MEI4: variants seen among roughly 807,000 people sequenced by gnomAD.
MEI4 encodes meiotic double-stranded break formation protein 4, also known as meiosis-specific protein MEI4.
In MEI4, 27 loss-of-function variants were observed where a neutral mutation model predicts 31.4. That is an observed-to-expected ratio of 0.86 (90% CI 0.63 to 1.19). The LOEUF is 1.19. MEI4 is among the 50% of genes most tolerant of loss of function. MEI4 has a pLI of 0.00. For missense variants in MEI4, 329 were observed against 398.9 expected (o/e 0.82, Z 1.49); for synonymous variants, 122 against 145.4 (o/e 0.84, Z 1.16).
At chr6:77,699,058 A>G (rs1014653090) in intron 2 of MEI4, among the ~76,000 whole-genome samples, 3 of 151,994 alleles carry the variant, frequency 2.0e-5, no homozygotes, top group Admixed American at 6.6e-5. Flanking sequence ...AGTTGATCGC[A>G]TCGGCTCCTG....
intron 4 of MEI4, among the ~76,000 whole-genome samples, chr6:77,915,160 G>A (rs1280204012): frequency 6.6e-6 from 1 of 151,848 alleles, no homozygotes; most frequent in African/African-American, 2.4e-5. Context: ...GCTTTCTATT[G>A]TGATTTGGCA....
At chr6:77,712,186 T>C (rs528267399) in intron 2 of MEI4, among the ~76,000 whole-genome samples, 2 of 152,182 alleles carry the variant, frequency 1.3e-5, no homozygotes, top group Non-Finnish European at 2.9e-5. Flanking sequence ...TGTTTGCATA[T>C]ACACACACAT....
chr6:77,766,042 A>T (rs1173327074), intron 3 of MEI4, among the ~76,000 whole-genome samples: 1 of 152,190 alleles, frequency 6.6e-6, no homozygotes, highest in Non-Finnish European at 1.5e-5. Context: ...GCTCTTATTA[A>T]CACCATGACA....
At chr6:77,903,723 T>C (rs1766232625) in intron 4 of MEI4, among the ~76,000 whole-genome samples, 1 of 152,152 alleles carries the variant, frequency 6.6e-6, no homozygotes, top group South Asian at 2.1e-4. Flanking sequence ...ATCTAATTCA[T>C]TGAAAGTTTT....
At chr6:77,810,430 C>A (rs941770324) in intron 3 of MEI4, among the ~76,000 whole-genome samples, 2 of 152,024 alleles carry the variant, frequency 1.3e-5, no homozygotes, top group African/African-American at 4.8e-5. Context: ...CAGCTGCTGT[C>A]CGGAAAAAGC....
chr6:77,673,207 C>T (rs996477), intron 1 of MEI4, among the ~76,000 whole-genome samples: 56,950 of 151,860 alleles, frequency 0.38, 10,915 homozygotes, highest in African/African-American at 0.42. Context: ...GTTTCCAAGA[C>T]TCATTTCTTC....
At chr6:77,884,519 T>G (rs1316446306) in intron 4 of MEI4, among the ~76,000 whole-genome samples, 1 of 152,184 alleles carries the variant, frequency 6.6e-6, no homozygotes, top group African/African-American at 2.4e-5. Flanking sequence ...CTGTTTTGAG[T>G]TGATTTTTAT....
intron 3 of MEI4, among the ~76,000 whole-genome samples, chr6:77,818,638 A>G (rs1194170607): frequency 6.6e-6 from 1 of 152,164 alleles, no homozygotes; most frequent in Non-Finnish European, 1.5e-5. Context: ...GTGTTATTAT[A>G]TAATTTTAAT....
intron 4 of MEI4, among the ~76,000 whole-genome samples, chr6:77,898,330 A>G (rs1228134965): frequency 6.6e-6 from 1 of 152,102 alleles, no homozygotes; most frequent in Non-Finnish European, 1.5e-5. Flanking sequence ...CTACTGAATT[A>G]TCATGGTGAC....
chr6:77,891,071 T>C (rs985314504), intron 4 of MEI4, among the ~76,000 whole-genome samples: 3 of 152,208 alleles, frequency 2.0e-5, no homozygotes, highest in Non-Finnish European at 4.4e-5. Context: ...TTTTTAGAAT[T>C]ATTTGTCTTT....
intron 4 of MEI4, among the ~76,000 whole-genome samples, chr6:77,879,776 T>C (rs1432741098): frequency 6.6e-6 from 1 of 152,158 alleles, no homozygotes; most frequent in East Asian, 1.9e-4. Context: ...CCTGTCAATG[T>C]ACACAAGACC....
intron 4 of MEI4, among the ~76,000 whole-genome samples, chr6:77,864,402 GA>G (rs1188246698): frequency 2.6e-5 from 4 of 151,546 alleles, no homozygotes; most frequent in African/African-American, 9.7e-5. Flanking sequence ...CAAGCAAATG[GA>G]AAACAAAAAA....
intron 4 of MEI4, among the ~76,000 whole-genome samples, chr6:77,904,463 C>T (rs1766249534): frequency 6.6e-6 from 1 of 151,952 alleles, no homozygotes; most frequent in Non-Finnish European, 1.5e-5. Context: ...TCTACTCCCA[C>T]CCCCCACTCT....
chr6:77,661,169 A>C (rs144283395), intron 1 of MEI4, among the ~76,000 whole-genome samples: 1 of 152,144 alleles, frequency 6.6e-6, no homozygotes, highest in Non-Finnish European at 1.5e-5. Context: ...ATCCTTTTTA[A>C]GTTGGAGGCT....
intron 4 of MEI4, among the ~76,000 whole-genome samples, chr6:77,831,138 G>T (rs1770068188): frequency 6.7e-6 from 1 of 149,528 alleles, no homozygotes; most frequent in Non-Finnish European, 1.5e-5. Flanking sequence ...ATGGCTAGCA[G>T]GCATATGAAA....
At chr6:77,903,023 T>C (rs1473224501) in intron 4 of MEI4, among the ~76,000 whole-genome samples, 1 of 152,150 alleles carries the variant, frequency 6.6e-6, no homozygotes, top group East Asian at 1.9e-4. Flanking sequence ...TCCACTTTAC[T>C]TATTTATTCC....
At chr6:77,879,047 A>T (rs1771415302) in intron 4 of MEI4, among the ~76,000 whole-genome samples, 1 of 152,172 alleles carries the variant, frequency 6.6e-6, no homozygotes, top group Non-Finnish European at 1.5e-5. Context: ...TAAGGAGACC[A>T]GATATTTATT....
rs140192498 is a variant in MEI4, at chr6:77,686,988, G to A, written c.-14-3670G>A. Among the ~76,000 whole-genome samples, 511 of 150,840 alleles carry A rather than the reference G, an allele frequency of 3.4e-3. 2 individuals carry two copies. The highest frequency in any genetic ancestry group is 0.012 in the African/African-American group (500 of 41,308). On this transcript the variant is annotated intron_variant, in intron 1 of 4. Coordinates refer to ENST00000684080, the MANE Select transcript of MEI4 (RefSeq NM_001322247.2). Reference sequence around the variant, plus strand: ...GGTTCAGAAAATTAGCGAGTTGATAGCAAATTAAAGTTCAATAAGGAAAAA... The same window carrying A: ...GGTTCAGAAAATTAGCGAGTTGATAACAAATTAAAGTTCAATAAGGAAAAA...
chr6:77,656,895 A>G (rs1012436141), intron 1 of MEI4, among the ~76,000 whole-genome samples: 5 of 152,226 alleles, frequency 3.3e-5, no homozygotes, highest in Admixed American at 1.3e-4. Flanking sequence ...TAAAAATTAC[A>G]AGTATTTTTA....
Sources: gnomAD v4.1 joint callset for allele counts (sites outside exome capture counted in the v4.1 genomes callset) on GRCh38, gnomAD v4.1.1 for gene constraint, MANE v1.5 for transcripts, NCBI Gene and HGNC (gene_info 2026-07-23, HGNC 2026-07-21) for gene names.